The following BFAR variants were observed in gnomAD, a reference collection of about 807,000 sequenced individuals.
BFAR encodes the protein bifunctional apoptosis regulator, also known as RING finger protein 47.
In BFAR, 52 loss-of-function variants were observed where a neutral mutation model predicts 54.4. The observed-to-expected ratio is 0.96, with a 90% CI of 0.77 to 1.21. The LOEUF (loss-of-function observed/expected upper bound fraction) is 1.21. BFAR is among the 50% of genes most tolerant of loss of function. The probability of loss-of-function intolerance (pLI) is 0.00; values close to 1 mark genes in which losing one functional copy is unlikely to be tolerated. For missense variants in BFAR, 571 were observed against 534.0 expected, an observed-to-expected ratio of 1.07 and a Z score of -0.68; for synonymous variants, 215 against 204.3, an observed-to-expected ratio of 1.05 and a Z score of -0.45.
Position 14,668,925 on chromosome 16 carries a change from A to T in BFAR, c.*1098A>T. 1 of 234,244 alleles carries T rather than the reference A, an allele frequency of 4.3e-6. No homozygotes were observed. Among genetic ancestry groups the T allele is most frequent in the Non-Finnish European group, 9.2e-6 (1 of 109,174 alleles). The allele number at this position is 234,244 out of a possible 1,614,324, so 14.5% of individuals were successfully genotyped here. A position where few individuals can be genotyped will look rare whatever the true frequency, so the allele number is the denominator to read the frequency against. Reference sequence around the variant, plus strand: ...TTTGTAAATTGAGCTCACACTATATAATCTTTATTGTCCTATCCTGATGTA... The same window carrying T: ...TTTGTAAATTGAGCTCACACTATATTATCTTTATTGTCCTATCCTGATGTA... On this transcript the variant is annotated 3_prime_UTR_variant, in exon 8 of 8. Transcript: ENST00000261658.
chr16:14,655,420 C>T (rs1340743654), intron 5 of BFAR, among the ~76,000 whole-genome samples: 1 of 151,380 alleles, frequency 6.6e-6, no homozygotes, highest in African/African-American at 2.4e-5. Flanking sequence ...CTCCCAGGTT[C>T]AAGTGATTAT....
chr16:14,668,980 C>G lies in BFAR; in HGVS notation c.*1153C>G, dbSNP rs1326452910. On this transcript the variant is annotated 3_prime_UTR_variant, in exon 8 of 8. Coordinates refer to ENST00000261658, the MANE Select transcript of BFAR (RefSeq NM_016561.3). ...ACAGCAGGTATAATTACACCAAGCG[C>G]TATAGTTATAAATATGGCATGAAGT... 3 of 440,264 alleles carry G rather than the reference C, an allele frequency of 6.8e-6. No homozygotes were observed. Among genetic ancestry groups the G allele is most frequent in the Non-Finnish European group, 9.2e-6 (2 of 218,378 alleles). The allele number at this position is 440,264 out of a possible 1,614,324, so 27.3% of individuals were successfully genotyped here. A position where few individuals can be genotyped will look rare whatever the true frequency, so the allele number is the denominator to read the frequency against.
At chr16:14,654,038 G>T (rs1169289456) in intron 4 of BFAR, among the ~76,000 whole-genome samples, 1 of 142,236 alleles carries the variant, frequency 7.0e-6, no homozygotes, top group Non-Finnish European at 1.5e-5. Flanking sequence ...TTGAGGCGGA[G>T]TCTTGCTCTG....
rs749190682 is a variant in BFAR at position 14,648,490 on chromosome 16, T to C, written c.366T>C (p.Tyr122=). ...IVQSLAAFQK[Y]GNDQIPLAPN... ...AAAGTCTTGCAGCCTTTCAGAAATA[T>C]GGGAATGATCAGATTCCTTTAGCTC... The change falls in exon 3 of 8, where the codon TAT becomes TAC. Residue 122 remains tyrosine, a synonymous_variant. Coordinates refer to ENST00000261658, the MANE Select transcript of BFAR (RefSeq NM_016561.3). The C allele has an allele frequency of 6.8e-6, 11 of 1,613,736 alleles. No homozygotes were observed. The East Asian group carries it at 8.9e-5, about 13-fold the overall frequency.
At chr16:14,666,119 C>G (rs748119126) in intron 7 of BFAR, among the ~76,000 whole-genome samples, 1 of 152,176 alleles carries the variant, frequency 6.6e-6, no homozygotes, top group Non-Finnish European at 1.5e-5. Flanking sequence ...AGAAAGAAAG[C>G]ACTTCCTTCC....
At chr16:14,667,573 C>A (rs780812860) in intron 7 of BFAR, 62 bp from the exon 8 acceptor site, 1 of 1,486,856 alleles carries the variant, frequency 6.7e-7, no homozygotes, top group African/African-American at 1.4e-5. Flanking sequence ...GCCCAGGGCC[C>A]GGACTCCTGG....
intron 1 of BFAR, 147 bp from the exon 2 acceptor site, chr16:14,644,127 C>T (rs1959710874): frequency 1.8e-6 from 1 of 567,524 alleles, no homozygotes. Context: ...CACGCCACTG[C>T]ACTCCATCCT....
chr16:14,648,563 G>A lies in BFAR; in HGVS notation c.439G>A (p.Gly147Ser), dbSNP rs760443898. 63 of 1,613,780 alleles carry A rather than the reference G, an allele frequency of 3.9e-5. No individual in the cohort carries two copies. Among genetic ancestry groups the A allele is most frequent in the Non-Finnish European group, 4.8e-5 (57 of 1,179,934 alleles). ...GCAGATGGGAGGGGGATTCTTTTCC[G>A]GTGTGCTCACAGCTTTAACTGGAGT... ...NQQMGGGFFS[G>S]VLTALTGVAV... Residue 147 changes from glycine to serine, a missense_variant, in exon 3 of 8, where the codon GGT (glycine) becomes AGT (serine). By Grantham distance (56) the Gly-to-Ser change is moderately conservative. Transcript: ENST00000261658.
chr16:14,642,155 C>T (rs1310977114), intron 1 of BFAR, among the ~76,000 whole-genome samples: 1 of 152,138 alleles, frequency 6.6e-6, no homozygotes, highest in African/African-American at 2.4e-5. Context: ...CCAGTGTGGG[C>T]GGCGGAGAGC....
At chr16:14,649,722 C>A in intron 3 of BFAR, 82 bp from the exon 4 acceptor site, 1 of 1,322,282 alleles carries the variant, frequency 7.6e-7, no homozygotes, top group South Asian at 1.4e-5. Context: ...CAGCCTCTTC[C>A]TTTCCCCACC....
intron 5 of BFAR, among the ~76,000 whole-genome samples, chr16:14,660,381 G>A (rs1960255476): frequency 1.3e-5 from 2 of 151,876 alleles, no homozygotes; most frequent in Non-Finnish European, 1.5e-5. Flanking sequence ...CTGCCTCCCG[G>A]GTTCAAGTGA....
At chr16:14,656,736 A>G (rs2151842069) in intron 5 of BFAR, among the ~76,000 whole-genome samples, 2 of 152,298 alleles carry the variant, frequency 1.3e-5, no homozygotes, top group Admixed American at 1.3e-4. Flanking sequence ...CTCATTAGGA[A>G]CAAGTTGAAT....
intron 5 of BFAR, among the ~76,000 whole-genome samples, chr16:14,657,661 C>G (rs571744554): frequency 6.6e-6 from 1 of 152,200 alleles, no homozygotes; most frequent in East Asian, 1.9e-4. Context: ...TCATATCTCA[C>G]CCTCCAGAGT....
At position 14,668,957 on chromosome 16, in the gene BFAR, A is replaced by C. The variant is rs1030276091; in HGVS notation, c.*1130A>C. The C allele has an allele frequency of 7.8e-6, 3 of 387,044 alleles. No homozygotes were observed. Among genetic ancestry groups the C allele is most frequent in the Non-Finnish European group, 1.6e-5 (3 of 188,178 alleles). The allele number at this position is 387,044 out of a possible 1,614,324, so 24.0% of individuals were successfully genotyped here. A position where few individuals can be genotyped will look rare whatever the true frequency, so the allele number is the denominator to read the frequency against. The stretch of plus-strand genomic sequence containing the variant: ...ATTGTCCTATCCTGATGTATAATAC[A>C]GCAGGTATAATTACACCAAGCGCTA... On this transcript the variant is annotated 3_prime_UTR_variant, in exon 8 of 8. Coordinates refer to ENST00000261658, the MANE Select transcript of BFAR (RefSeq NM_016561.3).
chr16:14,655,828 ACATTT>A (rs940575228), intron 5 of BFAR, among the ~76,000 whole-genome samples: 3 of 152,314 alleles, frequency 2.0e-5, no homozygotes, highest in Admixed American at 6.5e-5. Context: ...TTTGTCAATA[ACATTT>A]CAGTTTAAAC....
chr16:14,666,139 TG>T (rs1327529702), intron 7 of BFAR, among the ~76,000 whole-genome samples: 1 of 152,182 alleles, frequency 6.6e-6, no homozygotes, highest in Non-Finnish European at 1.5e-5. Context: ...CCTGTGGCAC[TG>T]GAAAAGGTCT....
At chr16:14,641,550 CAA>C (rs530864447) in intron 1 of BFAR, among the ~76,000 whole-genome samples, 70 of 102,394 alleles carry the variant, frequency 6.8e-4, no homozygotes, top group Admixed American at 1.2e-3. Flanking sequence ...GACTCCATCT[CAA>C]AAAAAAAAAA....
intron 1 of BFAR, among the ~76,000 whole-genome samples, chr16:14,634,403 G>A (rs1011172619): frequency 2.0e-5 from 3 of 152,104 alleles, no homozygotes; most frequent in African/African-American, 7.2e-5. Context: ...TTGCTTTTTG[G>A]TTCCAGCGTT....
chr16:14,667,116 C>T (rs1366218933), intron 7 of BFAR, among the ~76,000 whole-genome samples: 5 of 151,904 alleles, frequency 3.3e-5, no homozygotes. Flanking sequence ...GGTGGAGGAT[C>T]ACCTGAGCCG....
Sources: gnomAD v4.1 joint callset for allele counts (sites outside exome capture counted in the v4.1 genomes callset) on GRCh38, gnomAD v4.1.1 for gene constraint, MANE v1.5 for transcripts, NCBI Gene and HGNC (gene_info 2026-07-23, HGNC 2026-07-21) for gene names.